Variants in SMIM14 observed in about 807,000 individuals in gnomAD.
The protein encoded by SMIM14 is chromosome 4 open reading frame 34.
SMIM14 carries 5 observed loss-of-function variants against 12.6 expected under a neutral mutation model. That is an observed-to-expected ratio of 0.40 (90% CI 0.21 to 0.83). The LOEUF (loss-of-function observed/expected upper bound fraction) is 0.83. SMIM14 is among the 40% of genes least tolerant of loss of function. The pLI is 0.37. For synonymous variants in SMIM14, 30 were observed against 40.1 expected, an observed-to-expected ratio of 0.75 and a Z score of 0.95; for missense variants, 86 against 119.1, an observed-to-expected ratio of 0.72 and a Z score of 1.29.
chr4:39,606,597 C>T (rs559852486), intron 1 of SMIM14, among the ~76,000 whole-genome samples: 106 of 148,886 alleles, frequency 7.1e-4, no homozygotes, highest in Admixed American at 1.4e-3. Flanking sequence ...GCCAAGATCG[C>T]GCCACTGCAC....
At chr4:39,592,256 G>A (rs535228232) in intron 2 of SMIM14, among the ~76,000 whole-genome samples, 2 of 148,606 alleles carry the variant, frequency 1.3e-5, no homozygotes, top group African/African-American at 5.0e-5. Context: ...CACAGAGATG[G>A]TCATTTGCCT....
At chr4:39,615,562 T>C (rs1715188680) in intron 1 of SMIM14, among the ~76,000 whole-genome samples, 1 of 152,180 alleles carries the variant, frequency 6.6e-6, no homozygotes, top group Non-Finnish European at 1.5e-5. Context: ...GTTCGTTGAC[T>C]ATATAACAAA....
intron 2 of SMIM14, among the ~76,000 whole-genome samples, chr4:39,574,846 G>A (rs902551641): frequency 2.6e-5 from 4 of 152,000 alleles, no homozygotes; most frequent in Non-Finnish European, 4.4e-5. Flanking sequence ...AAGTAGTCCT[G>A]TTTGGAGCCA....
chr4:39,565,312 T>C (rs930607735), intron 3 of SMIM14, among the ~76,000 whole-genome samples: 4 of 152,144 alleles, frequency 2.6e-5, no homozygotes, highest in African/African-American at 9.7e-5. Context: ...ACATATTAAA[T>C]AGAAAACCAC....
At chr4:39,638,628 T>C (rs1309673388) in intron 1 of SMIM14, 111 bp downstream of exon 1, 4 of 974,080 alleles carry the variant, frequency 4.1e-6, no homozygotes, top group Non-Finnish European at 4.9e-6. Context: ...GAAACAGCCC[T>C]GTTCTGCCGC....
At chr4:39,638,249 C>T in intron 1 of SMIM14, 1 of 158,274 alleles carries the variant, frequency 6.3e-6, no homozygotes, top group Non-Finnish European at 1.4e-5. Context: ...AGCTAAAAAG[C>T]TCTCGCTTTC....
rs1273494404 is a variant in SMIM14 at position 39,619,869 on chromosome 4, T to TAA, written c.-35-14690_-35-14689insTT. ...ATATATTTATATATATTTATATATA[T>TAA]ATATATATTTTTTTTTTTTTAAGAG... On this transcript the variant is annotated intron_variant, in intron 1 of 4. Coordinates refer to ENST00000295958, the MANE Select transcript of SMIM14 (RefSeq NM_174921.3). 8.3e-4 allele frequency among the ~76,000 whole-genome samples: 72 copies of TAA among 86,246 alleles called. 1 individual carries two copies. The highest frequency in any genetic ancestry group is 2.1e-3 in the Admixed American group (17 of 8,256). 56.6% of individuals were successfully genotyped at this position (86,246 alleles called of 152,430 possible).
intron 1 of SMIM14, among the ~76,000 whole-genome samples, chr4:39,612,467 C>G (rs561386328): frequency 6.6e-6 from 1 of 152,098 alleles, no homozygotes; most frequent in African/African-American, 2.4e-5. Context: ...TCCTTAGTCC[C>G]GATGTATATC....
chr4:39,560,037 G>T (rs569452968), intron 3 of SMIM14, among the ~76,000 whole-genome samples: 8 of 152,048 alleles, frequency 5.3e-5, no homozygotes, highest in African/African-American at 1.7e-4. Context: ...TGGGAGGATG[G>T]CTTGAGCCCA....
At chr4:39,600,908 G>T (rs1324093987) in intron 2 of SMIM14, among the ~76,000 whole-genome samples, 1 of 151,876 alleles carries the variant, frequency 6.6e-6, no homozygotes, top group East Asian at 1.9e-4. Flanking sequence ...AGCAGGAAAA[G>T]AAGTTTTAAA....
At chr4:39,613,136 T>G (rs1715096158) in intron 1 of SMIM14, among the ~76,000 whole-genome samples, 1 of 152,302 alleles carries the variant, frequency 6.6e-6, no homozygotes, top group African/African-American at 2.4e-5. Flanking sequence ...ACAGAGCTTC[T>G]GGAGGGCAGA....
chr4:39,630,392 ACC>A (rs200156738), intron 1 of SMIM14, among the ~76,000 whole-genome samples: 348 of 152,142 alleles, frequency 2.3e-3, no homozygotes, highest in African/African-American at 7.9e-3. Flanking sequence ...TGTGACAGAG[ACC>A]CTGTTTCTAA....
chr4:39,562,379 C>T (rs1712354742), intron 3 of SMIM14, among the ~76,000 whole-genome samples: 1 of 149,970 alleles, frequency 6.7e-6, no homozygotes, highest in South Asian at 2.1e-4. Context: ...CCTGTCTCAA[C>T]CCCCAAACAA....
intron 1 of SMIM14, among the ~76,000 whole-genome samples, chr4:39,621,963 T>C (rs541754594): frequency 4.0e-5 from 6 of 151,730 alleles, no homozygotes; most frequent in Non-Finnish European, 8.8e-5. Flanking sequence ...ATTACACGAA[T>C]GAGCCACCGC....
chr4:39,581,390 T>C (rs913319370), intron 2 of SMIM14, among the ~76,000 whole-genome samples: 3 of 152,290 alleles, frequency 2.0e-5, no homozygotes, highest in Admixed American at 6.5e-5. Context: ...GCTTTTGTTT[T>C]TGCAGGCTAC....
chr4:39,628,030 T>G (rs1560310732), intron 1 of SMIM14, among the ~76,000 whole-genome samples: 1 of 152,190 alleles, frequency 6.6e-6, no homozygotes, highest in Non-Finnish European at 1.5e-5. Context: ...AAAAAAAGGC[T>G]AGGCGTGGGG....
intron 2 of SMIM14, among the ~76,000 whole-genome samples, chr4:39,597,085 CTTT>C (rs35373264): frequency 4.6e-4 from 62 of 133,756 alleles, no homozygotes; most frequent in Non-Finnish European, 5.7e-4. Flanking sequence ...CCAGGTTTCC[CTTT>C]TTTTTTTTTT....
chr4:39,554,463 C>T lies in SMIM14; in HGVS notation c.267+1965G>A, dbSNP rs542015021. Among the ~76,000 whole-genome samples the T allele has an allele frequency of 1.4e-3, 216 of 152,172 alleles. 1 individual carries two copies. The highest frequency in any genetic ancestry group is 5.0e-3 in the African/African-American group (206 of 41,522). On this transcript the variant is annotated intron_variant, in intron 4 of 4. Coordinates refer to ENST00000295958, the MANE Select transcript of SMIM14 (RefSeq NM_174921.3). ...TCTCTACTAAAAATCCAAAAATTAGCCAGATGTGGTGGCGTGCACCTGTAA... is the reference window on the plus strand; with the variant it reads ...TCTCTACTAAAAATCCAAAAATTAGTCAGATGTGGTGGCGTGCACCTGTAA...
At chr4:39,637,627 G>A (rs749563494) in intron 1 of SMIM14, among the ~76,000 whole-genome samples, 18 of 152,088 alleles carry the variant, frequency 1.2e-4, no homozygotes, top group African/African-American at 3.4e-4. Context: ...GGACAAAAAG[G>A]TTTGGTTTTC....
Sources: allele counts gnomAD v4.1 joint callset (sites outside exome capture counted in the v4.1 genomes callset), GRCh38; gene constraint gnomAD v4.1.1; transcripts MANE v1.5; gene names NCBI Gene and HGNC (gene_info 2026-07-23, HGNC 2026-07-21).